Variants in NFIA observed in about 807,000 individuals in gnomAD.
NFIA encodes nuclear factor 1 A-type.
In NFIA, 8 loss-of-function variants were observed where a neutral mutation model predicts 62.8. That is an observed-to-expected ratio of 0.13 (90% confidence interval 0.07 to 0.23). The LOEUF is 0.23. Ranked by LOEUF, NFIA falls within the 10% of genes least tolerant of loss-of-function variation. The probability of loss-of-function intolerance (pLI) is 1.00; values close to 1 mark genes in which losing one functional copy is unlikely to be tolerated. For synonymous variants in NFIA, 235 were observed against 238.1 expected (o/e 0.99, Z 0.12); for missense variants, 410 against 642.1 (o/e 0.64, Z 3.91).
chr1:61,215,725 G>A (rs926915365), intron 2 of NFIA, among the ~76,000 whole-genome samples: 1 of 152,084 alleles, frequency 6.6e-6, no homozygotes. Flanking sequence ...TATTTCCTGT[G>A]GAAATCAGCT....
At chr1:61,317,834 A>G (rs925119982) in intron 3 of NFIA, among the ~76,000 whole-genome samples, 3 of 152,098 alleles carry the variant, frequency 2.0e-5, no homozygotes, top group Non-Finnish European at 2.9e-5. Flanking sequence ...TTTTTTGAAC[A>G]CATTCTGTGT....
chr1:61,127,900 A>C (rs1191033985), intron 2 of NFIA, among the ~76,000 whole-genome samples: 1 of 152,136 alleles, frequency 6.6e-6, no homozygotes, highest in Non-Finnish European at 1.5e-5. Context: ...GTATTGAAGA[A>C]TATCTCTGTA....
chr1:61,303,517 A>T (rs111462790), intron 3 of NFIA, among the ~76,000 whole-genome samples: 7 of 152,326 alleles, frequency 4.6e-5, no homozygotes, highest in African/African-American at 1.7e-4. Flanking sequence ...TTTGAACAAG[A>T]CCTAGAAAAG....
At chr1:61,227,645 T>C (rs1429191879) in intron 2 of NFIA, among the ~76,000 whole-genome samples, 1 of 152,236 alleles carries the variant, frequency 6.6e-6, no homozygotes, top group East Asian at 1.9e-4. Context: ...CTGCAGTTTT[T>C]GTTCATGTTT....
intron 2 of NFIA, among the ~76,000 whole-genome samples, chr1:61,252,638 A>G (rs1042073529): frequency 1.3e-5 from 2 of 152,250 alleles, no homozygotes; most frequent in African/African-American, 2.4e-5. Context: ...GAAATCTTTT[A>G]TGATGCATTA....
chr1:61,280,309 G>A (rs944212030), intron 3 of NFIA, among the ~76,000 whole-genome samples: 5 of 152,054 alleles, frequency 3.3e-5, no homozygotes, highest in African/African-American at 9.7e-5. Flanking sequence ...TGTGTGTTTC[G>A]TTTTTGTTTT....
intron 2 of NFIA, among the ~76,000 whole-genome samples, chr1:61,101,646 A>G (rs908527955): frequency 7.9e-5 from 12 of 152,152 alleles, no homozygotes; most frequent in African/African-American, 2.7e-4. Flanking sequence ...GCCAAGTCCC[A>G]GTAGCATAGC....
intron 2 of NFIA, among the ~76,000 whole-genome samples, chr1:61,165,031 T>C (rs1293139544): frequency 1.3e-5 from 2 of 152,212 alleles, no homozygotes; most frequent in African/African-American, 2.4e-5. Flanking sequence ...TCGTATTATA[T>C]ATACGATAGG....
intron 3 of NFIA, among the ~76,000 whole-genome samples, chr1:61,307,848 C>T (rs1659883682): frequency 1.3e-5 from 2 of 152,104 alleles, no homozygotes; most frequent in African/African-American, 4.8e-5. Context: ...GAGGTGGGAG[C>T]CCTTCTTTGT....
chr1:61,273,772 T>A (rs1657649709), intron 2 of NFIA, among the ~76,000 whole-genome samples: 1 of 152,208 alleles, frequency 6.6e-6, no homozygotes, highest in African/African-American at 2.4e-5. Flanking sequence ...GAGATACATT[T>A]GCAATGAAAG....
At chr1:61,219,054 A>C (rs1325773527) in intron 2 of NFIA, among the ~76,000 whole-genome samples, 2 of 152,134 alleles carry the variant, frequency 1.3e-5, no homozygotes, top group African/African-American at 4.8e-5. Flanking sequence ...CAATATGGAG[A>C]AACCCCGTCT....
intron 3 of NFIA, among the ~76,000 whole-genome samples, chr1:61,283,593 A>AAAAAAAAAAAAAAAG (rs1658289164): frequency 7.3e-6 from 1 of 136,492 alleles, no homozygotes; most frequent in African/African-American, 2.8e-5. Flanking sequence ...AAAAAAAAAA[A>AAAAAAAAAAAAAAAG]AAAAAAAAAA....
chr1:61,401,138 C>T (rs1665540356), intron 7 of NFIA, among the ~76,000 whole-genome samples: 1 of 152,092 alleles, frequency 6.6e-6, no homozygotes, highest in Non-Finnish European at 1.5e-5. Context: ...GATGACTGAA[C>T]CAGAAAGTCC....
At chr1:61,259,896 G>A (rs12058566) in intron 2 of NFIA, among the ~76,000 whole-genome samples, 19,916 of 152,258 alleles carry the variant, frequency 0.13, 1,751 homozygotes, top group African/African-American at 0.25. Context: ...GAGAAGAGTA[G>A]AATGGGTTTG....
At chr1:61,354,593 C>A (rs1250403896) in intron 5 of NFIA, among the ~76,000 whole-genome samples, 1 of 152,118 alleles carries the variant, frequency 6.6e-6, no homozygotes, top group Non-Finnish European at 1.5e-5. Context: ...AGTCACAGTC[C>A]TAGTGAATAG....
At position 61,461,412 on chromosome 1, in the gene NFIA, A is replaced by G. The variant is rs1028231035; in HGVS notation, c.*6092A>G. On this transcript the variant is annotated 3_prime_UTR_variant, in exon 11 of 11. Transcript: ENST00000403491. Reference sequence around the variant, plus strand: ...CATAAGAAAAAGAAGTTTGCTATTAACACGGGATTTTTTTAATATACTTTT... The same window carrying G: ...CATAAGAAAAAGAAGTTTGCTATTAGCACGGGATTTTTTTAATATACTTTT... The G allele has an allele frequency of 6.6e-6, 1 of 152,232 alleles. No individual in the cohort carries two copies. Among genetic ancestry groups the G allele is most frequent in the African/African-American group, 2.4e-5 (1 of 41,454 alleles). 9.4% of individuals were successfully genotyped at this position (152,232 alleles called of 1,614,324 possible).
chr1:61,136,119 G>A (rs1282570617), intron 2 of NFIA, among the ~76,000 whole-genome samples: 4 of 152,206 alleles, frequency 2.6e-5, no homozygotes, highest in Non-Finnish European at 4.4e-5. Context: ...ACTTATGTCT[G>A]CATTTAACAG....
intron 10 of NFIA, among the ~76,000 whole-genome samples, chr1:61,449,252 G>C (rs570504358): frequency 6.6e-6 from 1 of 152,190 alleles, no homozygotes; most frequent in African/African-American, 2.4e-5. Context: ...CATGTGGCAC[G>C]AGCATGCTAG....
At chr1:61,082,119 C>T (rs577435946), upstream of NFIA, 1 of 1,295,982 alleles carries the variant, frequency 7.7e-7, no homozygotes, top group Non-Finnish European at 1.0e-6. Context: ...TTAAGCACAT[C>T]CTGTGGCAGC....
Sources: gnomAD v4.1 joint callset for allele counts (sites outside exome capture counted in the v4.1 genomes callset) on GRCh38, gnomAD v4.1.1 for gene constraint, MANE v1.5 for transcripts, NCBI Gene and HGNC (gene_info 2026-07-23, HGNC 2026-07-21) for gene names.